The following PLA2G6 variants were observed in gnomAD, a reference collection of about 807,000 sequenced individuals.
PLA2G6 encodes the protein 85/88 kDa calcium-independent phospholipase A2.
Under a neutral mutation model 83.8 loss-of-function variants are expected in PLA2G6, and 62 were observed. The ratio of observed to expected loss-of-function variants is 0.74; its 90% CI spans 0.60 to 0.91. The LOEUF (loss-of-function observed/expected upper bound fraction) is 0.91. Ranked by LOEUF, PLA2G6 falls within the 40% of genes least tolerant of loss-of-function variation. The pLI is 0.00. For synonymous variants in PLA2G6, 417 were observed against 449.8 expected, an observed-to-expected ratio of 0.93 and a Z score of 0.92; for missense variants, 944 against 1,102.0, an observed-to-expected ratio of 0.86 and a Z score of 2.03.
chr22:38,180,837 G>T (rs1464319626), intron 1 of PLA2G6, among the ~76,000 whole-genome samples: 4 of 152,132 alleles, frequency 2.6e-5, no homozygotes. Flanking sequence ...CAGAAAACAG[G>T]TTCCAAACTC....
At chr22:38,129,627 T>G in intron 7 of PLA2G6, 65 bp from the exon 8 acceptor site, 67 of 1,195,816 alleles carry the variant, frequency 5.6e-5, no homozygotes, top group Non-Finnish European at 7.5e-5. Context: ...AAGGGGCCCC[T>G]GGCTGCCAGC....
rs768258268 is a variant in PLA2G6 at position 38,134,961 on chromosome 22, C to A, written c.894+27G>T. 103 of 1,238,770 alleles carry A rather than the reference C, an allele frequency of 8.3e-5. 3 individuals carry two copies. The South Asian group carries it at 1.2e-3, about 15-fold the overall frequency. The allele number at this position is 1,238,770 out of a possible 1,614,324, so 76.7% of individuals were successfully genotyped here. On this transcript the variant is annotated intron_variant, in intron 6 of 16. Transcript: ENST00000332509. ...ACCTGCGGGGCCCGGCCCCCTGCCC[C>A]ACCCACCCACCTCAGGATCCACTCA...
chr22:38,175,975 G>A (rs1160869006), intron 1 of PLA2G6, among the ~76,000 whole-genome samples: 2 of 152,146 alleles, frequency 1.3e-5, no homozygotes, highest in Non-Finnish European at 2.9e-5. Context: ...TCCCTTGAAG[G>A]TGATAACAGG....
At chr22:38,159,849 CA>C (rs1026444974) in intron 2 of PLA2G6, among the ~76,000 whole-genome samples, 5 of 152,106 alleles carry the variant, frequency 3.3e-5, no homozygotes, top group African/African-American at 1.2e-4. Context: ...AAACAAGACA[CA>C]AAAAGTACAC....
Position 38,135,190 on chromosome 22 carries a change from G to C in PLA2G6, c.798-106C>G. The C allele has an allele frequency of 7.6e-6, 6 of 792,128 alleles. No homozygotes were observed. The South Asian group carries it at 8.5e-5, about 11-fold the overall frequency. 49.1% of individuals were successfully genotyped at this position (792,128 alleles called of 1,614,324 possible). Reference sequence around the variant, plus strand: ...TCTACTGCTTACAGAGAGCATCACTGCAAACAAAGTTCAGCAAACCCAACC... The same window carrying C: ...TCTACTGCTTACAGAGAGCATCACTCCAAACAAAGTTCAGCAAACCCAACC... On this transcript the variant is annotated intron_variant, in intron 5 of 16. Coordinates refer to ENST00000332509, the MANE Select transcript of PLA2G6 (RefSeq NM_003560.4).
chr22:38,130,011 C>T (rs2088111203), intron 7 of PLA2G6, among the ~76,000 whole-genome samples: 1 of 152,186 alleles, frequency 6.6e-6, no homozygotes, highest in Non-Finnish European at 1.5e-5. Flanking sequence ...TAACCGAACA[C>T]ACGTGCCCCT....
chr22:38,166,415 T>G (rs900493616), intron 2 of PLA2G6, among the ~76,000 whole-genome samples: 2 of 152,036 alleles, frequency 1.3e-5, no homozygotes, highest in African/African-American at 4.8e-5. Context: ...TGAAAATAAA[T>G]AAATCAATAA....
Position 38,132,492 on chromosome 22 carries a change from A to G in PLA2G6, c.1077+339T>C. 2.3e-6 allele frequency: 1 copy of G among 436,372 alleles called. No homozygotes were observed. Among genetic ancestry groups the G allele is most frequent in the South Asian group, 2.5e-5 (1 of 39,314 alleles). 27.0% of individuals were successfully genotyped at this position (436,372 alleles called of 1,614,324 possible). On this transcript the variant is annotated intron_variant, in intron 7 of 16. Transcript: ENST00000332509. The surrounding 1 kb of genome is among the most constrained non-coding windows in gnomAD (Gnocchi z 5.0). ...ATAAGTATTGACACCACCATTTTCC[A>G]GATGAGGAAATCGAGGCTGACAGGT...
chr22:38,138,932 ACTG>A (rs1248497000), intron 5 of PLA2G6: 3 of 152,138 alleles, frequency 2.0e-5, no homozygotes, highest in Non-Finnish European at 4.4e-5. Flanking sequence ...GGCCTCCCAA[ACTG>A]CTGGGATTAC....
Position 38,143,131 on chromosome 22 carries a change from G to A in PLA2G6, c.583C>T (p.Gln195Ter). 6.2e-7 allele frequency: 1 copy of A among 1,614,152 alleles called. No individual in the cohort carries two copies. Among genetic ancestry groups the A allele is most frequent in the Non-Finnish European group, 8.5e-7 (1 of 1,180,024 alleles). Residue 195 changes from glutamine (Q) to a stop codon, truncating the protein, a stop_gained, in exon 4 of 17, where the codon CAG becomes TAG. Transcript: ENST00000332509. LOFTEE classifies it high-confidence loss of function. ...TGCAGCACCTGAGAATTGTCACCCTGGACAGCATAATGGAAGACGGTCTCT... is the reference window on the plus strand; with the variant it reads ...TGCAGCACCTGAGAATTGTCACCCTAGACAGCATAATGGAAGACGGTCTCT... ...KGETVFHYAVQGDNSQVLQLL... is the reference protein window; with the variant it reads ...KGETVFHYAV
At position 38,111,847 on chromosome 22, in the gene PLA2G6, GT is replaced by G. The variant is rs2086886407; in HGVS notation, c.*313del. 4.8e-6 allele frequency: 2 copies of G among 415,754 alleles called. No homozygotes were observed. The highest frequency in any genetic ancestry group is 9.1e-6 in the Non-Finnish European group (2 of 219,372). The allele number at this position is 415,754 out of a possible 1,614,324, so 25.8% of individuals were successfully genotyped here. On this transcript the variant is annotated 3_prime_UTR_variant, in exon 17 of 17. Transcript: ENST00000332509. ...AGGGAGGCTGGGGCTGGGGGCAGGG[GT>G]ACGGTTGTGCCCGGGTACCCTTAAT... is the stretch of plus-strand genomic sequence containing the variant.
chr22:38,118,026 A>C lies in PLA2G6; in HGVS notation c.1743-1815T>G, dbSNP rs538564789. Among the ~76,000 whole-genome samples the C allele has an allele frequency of 1.1e-3, 153 of 142,140 alleles. 2 individuals are homozygous for C. The highest frequency in any genetic ancestry group is 3.5e-3 in the African/African-American group (138 of 39,210). 93.2% of individuals were successfully genotyped at this position (142,140 alleles called of 152,430 possible). A position where few individuals can be genotyped will look rare whatever the true frequency, so the allele number is the denominator to read the frequency against. On this transcript the variant is annotated intron_variant, in intron 12 of 16. Transcript: ENST00000332509. ...ACTCCAGCCTGGGTGATAGAGCAAG[A>C]CTCCATCTCAAAAAAAAAAAAAAAG...
chr22:38,148,663 G>T (rs757601458), intron 2 of PLA2G6: 1 of 672,880 alleles, frequency 1.5e-6, no homozygotes, highest in South Asian at 1.6e-5. Context: ...TCTTACTTTG[G>T]GTTAGGGTCC....
intron 2 of PLA2G6, chr22:38,148,566 G>A (rs1006747639): frequency 1.8e-5 from 13 of 716,986 alleles, no homozygotes; most frequent in Non-Finnish European, 2.6e-5. Context: ...ATGGGCAGAC[G>A]AGCAGCACCA....
intron 2 of PLA2G6, among the ~76,000 whole-genome samples, chr22:38,167,533 G>A (rs2090267876): frequency 6.6e-6 from 1 of 152,194 alleles, no homozygotes; most frequent in Non-Finnish European, 1.5e-5. Context: ...GCCTGCAGTG[G>A]AGCTCTGAAG....
rs2087697158 is a variant in PLA2G6 at position 38,124,201 on chromosome 22, G to A, written c.1428-943C>T. On this transcript the variant is annotated intron_variant, in intron 10 of 16. Transcript: ENST00000332509. ...CTGTCACCCAGGCTGGTGTGTGGTGGTGCAATCACAGTTCACGGCAGCCTC... is the reference window on the plus strand; with the variant it reads ...CTGTCACCCAGGCTGGTGTGTGGTGATGCAATCACAGTTCACGGCAGCCTC... Among the ~76,000 whole-genome samples the A allele has an allele frequency of 2.0e-5, 3 of 152,126 alleles. No individual in the cohort carries two copies. The South Asian group carries it at 6.2e-4, about 32-fold the overall frequency.
rs575124566 is a variant in PLA2G6, at chr22:38,152,699, C to G, written c.210-7046G>C. 2.6e-5 allele frequency among the ~76,000 whole-genome samples: 4 copies of G among 152,146 alleles called. No individual in the cohort carries two copies. In the East Asian group the frequency reaches 7.7e-4, roughly 29 times the overall value. ...TTCCTTTATAGCAACACTAAACAGA[C>G]AAAAACAGGTAGTCAATGTCTCTGC... On this transcript the variant is annotated intron_variant, in intron 2 of 16. Coordinates refer to ENST00000332509, the MANE Select transcript of PLA2G6 (RefSeq NM_003560.4).
intron 11 of PLA2G6, among the ~76,000 whole-genome samples, chr22:38,121,418 T>C (rs1172369366): frequency 6.6e-6 from 1 of 152,172 alleles, no homozygotes; most frequent in African/African-American, 2.4e-5. Flanking sequence ...ATTCATGATT[T>C]TGTATTATTT....
At chr22:38,115,317 G>A (rs2087123398) in intron 14 of PLA2G6, among the ~76,000 whole-genome samples, 1 of 152,214 alleles carries the variant, frequency 6.6e-6, no homozygotes. Flanking sequence ...GAGCACAGTG[G>A]TCCTCAGATC....
Sources: gnomAD v4.1 joint callset for allele counts (sites outside exome capture counted in the v4.1 genomes callset) on GRCh38, gnomAD v4.1.1 for gene constraint, Gnocchi (gnomAD v3.1) non-coding constraint, MANE v1.5 for transcripts, NCBI Gene and HGNC (gene_info 2026-07-23, HGNC 2026-07-21) for gene names.